ABCA12: variants seen among roughly 807,000 people sequenced by gnomAD.
The protein encoded by ABCA12 is ATP binding cassette subfamily A member 12, also known as glucosylceramide transporter ABCA12.
ABCA12 carries 156 observed loss-of-function variants against 293.5 expected under a neutral mutation model. That is an observed-to-expected ratio of 0.53 (90% CI 0.47 to 0.61). The LOEUF (loss-of-function observed/expected upper bound fraction) is 0.61. Among genes scored for constraint, ABCA12 ranks in the 20% least tolerant of loss-of-function variants. ABCA12 has a pLI of 0.00. For synonymous variants in ABCA12, 1,063 were observed against 1,108.0 expected, an observed-to-expected ratio of 0.96 and a Z score of 0.81; for missense variants, 2,797 against 3,090.2, an observed-to-expected ratio of 0.91 and a Z score of 2.25.
At chr2:214,935,519 G>A (rs1026921303) in intron 51 of ABCA12, among the ~76,000 whole-genome samples, 6 of 152,162 alleles carry the variant, frequency 3.9e-5, no homozygotes, top group African/African-American at 9.7e-5. Flanking sequence ...AAGCTAGGCC[G>A]AGTGTGGTGG....
intron 22 of ABCA12, among the ~76,000 whole-genome samples, chr2:214,999,349 G>A (rs1183027586): frequency 6.6e-6 from 1 of 152,180 alleles, no homozygotes; most frequent in African/African-American, 2.4e-5. Flanking sequence ...TTATAAACAG[G>A]AGGACTAGTG....
At chr2:214,936,188 T>C (rs1246622748) in intron 51 of ABCA12, among the ~76,000 whole-genome samples, 1 of 152,232 alleles carries the variant, frequency 6.6e-6, no homozygotes, top group African/African-American at 2.4e-5. Flanking sequence ...GATCTAATTT[T>C]GTACCACCCG....
chr2:215,091,251 G>A (rs1362738671), intron 2 of ABCA12, among the ~76,000 whole-genome samples: 1 of 151,968 alleles, frequency 6.6e-6, no homozygotes, highest in Non-Finnish European at 1.5e-5. Context: ...ACCAGGCTGA[G>A]CCAGGTCCCA....
intron 1 of ABCA12, among the ~76,000 whole-genome samples, chr2:215,120,270 A>G (rs569237911): frequency 6.6e-6 from 1 of 152,256 alleles, no homozygotes; most frequent in Non-Finnish European, 1.5e-5. Flanking sequence ...GCAGAGTACT[A>G]GAGGGAAGAG....
chr2:214,980,208 C>A (rs1441676627), intron 31 of ABCA12, among the ~76,000 whole-genome samples: 1 of 152,076 alleles, frequency 6.6e-6, no homozygotes. Flanking sequence ...GTCCTCAGAC[C>A]AGCAACATCA....
intron 43 of ABCA12, among the ~76,000 whole-genome samples, chr2:214,954,427 G>T (rs1197356790): frequency 1.3e-5 from 2 of 152,104 alleles, no homozygotes; most frequent in Admixed American, 6.6e-5. Flanking sequence ...CTGTTACACG[G>T]TATCATTATG....
At chr2:215,005,332 C>T (rs1208445660) in intron 19 of ABCA12, among the ~76,000 whole-genome samples, 4 of 152,170 alleles carry the variant, frequency 2.6e-5, no homozygotes, top group African/African-American at 7.2e-5. Flanking sequence ...GTAAGTGAGG[C>T]TTGATTGTCC....
chr2:215,012,293 T>C (rs1376155185), intron 15 of ABCA12, among the ~76,000 whole-genome samples, 158 bp from the exon 16 acceptor site: 2 of 152,226 alleles, frequency 1.3e-5, no homozygotes, highest in South Asian at 2.1e-4. Context: ...GACAATTCCA[T>C]TCCTGGGCGT....
chr2:215,058,606 C>T (rs552573905), intron 3 of ABCA12, among the ~76,000 whole-genome samples: 101 of 152,146 alleles, frequency 6.6e-4, no homozygotes, highest in African/African-American at 2.0e-3. Context: ...CCAGAAAATT[C>T]AACCCTCTGG....
intron 5 of ABCA12, among the ~76,000 whole-genome samples, chr2:215,051,217 G>A (rs1309836166): frequency 1.3e-5 from 2 of 152,142 alleles, no homozygotes; most frequent in Admixed American, 6.6e-5. Flanking sequence ...TTGATTGGGG[G>A]AAGCTTTAGA....
chr2:214,991,464 C>G (rs1050806954), intron 23 of ABCA12, among the ~76,000 whole-genome samples: 8 of 152,178 alleles, frequency 5.3e-5, no homozygotes, highest in African/African-American at 1.4e-4. Context: ...AGAGACTGAG[C>G]TCATAAAAAT....
intron 9 of ABCA12, among the ~76,000 whole-genome samples, chr2:215,031,540 G>A (rs1195757695): frequency 6.6e-6 from 1 of 152,112 alleles, no homozygotes; most frequent in Non-Finnish European, 1.5e-5. Flanking sequence ...ATCCTCATAG[G>A]CATAAGGTAA....
At chr2:214,981,701 T>C (rs1699659067) in intron 30 of ABCA12, among the ~76,000 whole-genome samples, 1 of 150,584 alleles carries the variant, frequency 6.6e-6, no homozygotes, top group Non-Finnish European at 1.5e-5. Flanking sequence ...ATGATGTATC[T>C]ATACAAATAA....
intron 22 of ABCA12, among the ~76,000 whole-genome samples, chr2:215,000,058 G>T (rs1351867213): frequency 6.6e-6 from 1 of 152,164 alleles, no homozygotes; most frequent in Non-Finnish European, 1.5e-5. Flanking sequence ...CAGAGTGAAG[G>T]AAGCATTCAG....
Position 215,116,923 on chromosome 2 carries a change from A to G in ABCA12, c.70-5233T>C, listed in dbSNP as rs1702698409. 2.0e-5 allele frequency among the ~76,000 whole-genome samples: 3 copies of G among 152,350 alleles called. 1 individual carries two copies. The highest frequency in any genetic ancestry group is 7.2e-5 in the African/African-American group (3 of 41,590). ...ACTGTTACACATTAAAGGAGACAAG[A>G]GCCATGAAAACTAGATGCAGCAGGT... is the stretch of plus-strand genomic sequence containing the variant. On this transcript the variant is annotated intron_variant, in intron 1 of 52. Transcript: ENST00000272895.
At chr2:215,135,246 A>T (rs1196087316) in intron 1 of ABCA12, among the ~76,000 whole-genome samples, 2 of 152,236 alleles carry the variant, frequency 1.3e-5, no homozygotes, top group East Asian at 3.9e-4. Context: ...GGCATGAGCC[A>T]CTGCGCCCAG....
chr2:214,995,066 G>A (rs892830264), intron 23 of ABCA12, among the ~76,000 whole-genome samples: 1 of 152,068 alleles, frequency 6.6e-6, no homozygotes, highest in Non-Finnish European at 1.5e-5. Flanking sequence ...AAACCCAATC[G>A]AAAGGCATTT....
At chr2:215,100,332 C>A in intron 2 of ABCA12, among the ~76,000 whole-genome samples, 1 of 152,216 alleles carries the variant, frequency 6.6e-6, no homozygotes, top group Non-Finnish European at 1.5e-5. Context: ...GATCATGCCC[C>A]TTCTGCCTCT....
chr2:214,939,242 T>C (rs574614415), intron 50 of ABCA12, among the ~76,000 whole-genome samples: 3 of 152,344 alleles, frequency 2.0e-5, no homozygotes, highest in African/African-American at 7.2e-5. Flanking sequence ...TGGCTTGTTT[T>C]TGTCAGCTTT....
Sources: gnomAD v4.1 joint callset for allele counts (sites outside exome capture counted in the v4.1 genomes callset) on GRCh38, gnomAD v4.1.1 for gene constraint, MANE v1.5 for transcripts, NCBI Gene and HGNC (gene_info 2026-07-23, HGNC 2026-07-21) for gene names.